DHX35: variants seen among roughly 807,000 people sequenced by gnomAD.
The protein encoded by DHX35 is probable ATP-dependent RNA helicase DHX35.
In DHX35, 84 loss-of-function variants were observed where a neutral mutation model predicts 99.6. The observed-to-expected ratio is 0.84, with a 90% confidence interval of 0.71 to 1.01. The LOEUF is 1.01. Ranked by LOEUF, DHX35 falls within the 50% of genes least tolerant of loss-of-function variation. DHX35 has a pLI of 0.00. For synonymous variants in DHX35, 331 were observed against 316.2 expected (o/e 1.05, Z -0.50); for missense variants, 852 against 888.5 (o/e 0.96, Z 0.52).
Position 38,988,810 on chromosome 20 carries a change from A to G in DHX35, c.346-3A>G. On this transcript the variant is annotated splice_polypyrimidine_tract_variant and splice_region_variant and intron_variant, in intron 4 of 21. Coordinates refer to ENST00000252011, the MANE Select transcript of DHX35 (RefSeq NM_021931.4). ...ATTTTCAGCATGATCTTTCTTCCCA[A>G]AGGTTGCAGGGAGAGTAGCTGAAGA... The G allele has an allele frequency of 6.2e-7, 1 of 1,613,426 alleles. No individual in the cohort carries two copies. The highest frequency in any genetic ancestry group is 8.5e-7 in the Non-Finnish European group (1 of 1,179,630).
intron 7 of DHX35, among the ~76,000 whole-genome samples, 189 bp from the exon 8 acceptor site, chr20:38,994,632 C>A (rs1277328330): frequency 1.3e-4 from 5 of 39,728 alleles, no homozygotes; most frequent in African/African-American, 4.4e-4. Context: ...AGTGTAATGA[C>A]CCCCCCCCCC....
intron 14 of DHX35, among the ~76,000 whole-genome samples, chr20:39,017,202 A>G (rs567508763): frequency 1.1e-4 from 17 of 152,142 alleles, no homozygotes; most frequent in African/African-American, 3.9e-4. Context: ...CTTTTTTGGT[A>G]TGGAGTGAGG....
chr20:38,966,227 C>G (rs1238477088), intron 1 of DHX35, among the ~76,000 whole-genome samples: 1 of 152,228 alleles, frequency 6.6e-6, no homozygotes, highest in African/African-American at 2.4e-5. Context: ...CTCCCTTAAG[C>G]ATAGAGCGTA....
chr20:38,998,431 G>A (rs1267684926), intron 8 of DHX35, among the ~76,000 whole-genome samples: 3 of 152,114 alleles, frequency 2.0e-5, no homozygotes, highest in Non-Finnish European at 2.9e-5. Flanking sequence ...GCTGCTTATC[G>A]GCCACTCCAG....
At chr20:38,966,703 C>T (rs1483825719) in intron 1 of DHX35, among the ~76,000 whole-genome samples, 1 of 152,066 alleles carries the variant, frequency 6.6e-6, no homozygotes, top group Non-Finnish European at 1.5e-5. Context: ...TAGATTGGGG[C>T]TGTAGGTTAG....
rs1317112771 is a variant in DHX35 at position 39,014,157 on chromosome 20, C to A, written c.1348-723C>A. On this transcript the variant is annotated intron_variant, in intron 13 of 21. Transcript: ENST00000252011. ...TAGAAAAAATGCATTTAGAAAACAT[C>A]CTATGCAGTTTAAAAATGTACTGTA... Among the ~76,000 whole-genome samples the A allele has an allele frequency of 3.3e-5, 5 of 152,098 alleles. No individual in the cohort carries two copies. The East Asian group carries it at 9.6e-4, about 29-fold the overall frequency.
chr20:38,983,899 T>A, intron 4 of DHX35, 123 bp downstream of exon 4: 1 of 802,586 alleles, frequency 1.2e-6, no homozygotes, highest in East Asian at 2.7e-5. Flanking sequence ...CTTCAGTTTT[T>A]ATGTTTTTTT....
intron 8 of DHX35, among the ~76,000 whole-genome samples, chr20:38,995,363 A>G (rs945392826): frequency 2.0e-5 from 3 of 152,104 alleles, no homozygotes; most frequent in Non-Finnish European, 4.4e-5. Flanking sequence ...CGTCTCTACT[A>G]AAAATGCAAA....
intron 12 of DHX35, among the ~76,000 whole-genome samples, chr20:39,007,338 T>C (rs1265610549): frequency 2.0e-5 from 3 of 152,256 alleles, no homozygotes; most frequent in South Asian, 2.1e-4. Flanking sequence ...CCACAGTGAC[T>C]GACAGTCTGG....
chr20:39,036,958 C>T (rs2087163576), intron 21 of DHX35, among the ~76,000 whole-genome samples: 1 of 152,194 alleles, frequency 6.6e-6, no homozygotes, highest in African/African-American at 2.4e-5. Flanking sequence ...CAGCACCTCA[C>T]AACCTTCCAC....
At chr20:38,968,233 G>C (rs560766443) in intron 1 of DHX35, among the ~76,000 whole-genome samples, 2 of 152,256 alleles carry the variant, frequency 1.3e-5, no homozygotes, top group African/African-American at 4.8e-5. Flanking sequence ...GGCACTGCCG[G>C]CAGCCGTCTT....
rs535595796 is a variant in DHX35 at position 38,969,332 on chromosome 20, C to G, written c.174+118C>G. The G allele has an allele frequency of 1.3e-4, 155 of 1,239,766 alleles. 1 individual carries two copies. In the African/African-American group the frequency reaches 1.9e-3, roughly 16 times the overall value. The allele number at this position is 1,239,766 out of a possible 1,614,324, so 76.8% of individuals were successfully genotyped here. On this transcript the variant is annotated intron_variant, in intron 2 of 21. Transcript: ENST00000252011. Reference sequence around the variant, plus strand: ...TAGAACACAGTGAGCTCAGAGAAACCCTTACTGTAAGGGATGACTTTTCAT... The same window carrying G: ...TAGAACACAGTGAGCTCAGAGAAACGCTTACTGTAAGGGATGACTTTTCAT...
At chr20:38,968,361 C>A (rs189036753) in intron 1 of DHX35, among the ~76,000 whole-genome samples, 2 of 152,254 alleles carry the variant, frequency 1.3e-5, no homozygotes, top group African/African-American at 4.8e-5. Flanking sequence ...CATCTCTGAG[C>A]CTTATTGCCA....
chr20:38,966,538 G>A (rs2085914113), intron 1 of DHX35, among the ~76,000 whole-genome samples: 1 of 152,170 alleles, frequency 6.6e-6, no homozygotes, highest in African/African-American at 2.4e-5. Context: ...GTGCGGTGGT[G>A]CGTGCCTGTA....
At chr20:38,982,561 CA>C (rs1347428750) in intron 3 of DHX35, among the ~76,000 whole-genome samples, 1 of 152,194 alleles carries the variant, frequency 6.6e-6, no homozygotes, top group Non-Finnish European at 1.5e-5. Context: ...CTGTGATTCT[CA>C]GAGTCAGAGC....
In DHX35 at chr20:39,009,324, A is replaced by G. The variant is rs551700790; in HGVS notation, c.1223-956A>G. 9.9e-5 allele frequency among the ~76,000 whole-genome samples: 15 copies of G among 152,228 alleles called. No individual in the cohort carries two copies. The East Asian group carries it at 1.9e-3, about 20-fold the overall frequency. On this transcript the variant is annotated intron_variant, in intron 12 of 21. Coordinates refer to ENST00000252011, the MANE Select transcript of DHX35 (RefSeq NM_021931.4). ...TTCTAGTTAGACCCAATTTGTATCA[A>G]TTAGTCCACAGAATATTGGTTGTCT...
At chr20:38,995,454 G>A (rs1311023602) in intron 8 of DHX35, among the ~76,000 whole-genome samples, 1 of 151,924 alleles carries the variant, frequency 6.6e-6, no homozygotes, top group Admixed American at 6.6e-5. Context: ...AAACTGGGAG[G>A]CAGAGGTTGC....
chr20:38,982,176 CCTTT>C (rs748402020), intron 3 of DHX35, among the ~76,000 whole-genome samples: 9 of 132,984 alleles, frequency 6.8e-5, no homozygotes, highest in South Asian at 2.3e-4. Flanking sequence ...CTCTTTTGAG[CCTTT>C]CTTTATTTAT....
intron 20 of DHX35, among the ~76,000 whole-genome samples, chr20:39,032,247 C>T (rs1458857985): frequency 2.0e-5 from 3 of 152,224 alleles, no homozygotes; most frequent in Admixed American, 2.0e-4. Context: ...TCTTGGCTCA[C>T]TTCAATCTCC....
Sources: allele counts gnomAD v4.1 joint callset (sites outside exome capture counted in the v4.1 genomes callset), GRCh38; gene constraint gnomAD v4.1.1; transcripts MANE v1.5; gene names NCBI Gene and HGNC (gene_info 2026-07-23, HGNC 2026-07-21).